The following RILPL1 variants were observed in gnomAD, a reference collection of about 807,000 sequenced individuals.
The protein encoded by RILPL1 is Rab interacting lysosomal protein like 1, also known as RILP-like protein 1.
In RILPL1, 33 loss-of-function variants were observed where a neutral mutation model predicts 50.3. The observed-to-expected ratio is 0.66, with a 90% confidence interval of 0.50 to 0.88. The LOEUF (loss-of-function observed/expected upper bound fraction) is 0.88, where lower values mean the gene tolerates loss of function less well. RILPL1 is among the 40% of genes least tolerant of loss of function. RILPL1 has a pLI of 0.00. For synonymous variants in RILPL1, 205 were observed against 228.6 expected (o/e 0.90, Z 0.93); for missense variants, 418 against 542.5 (o/e 0.77, Z 2.28).
chr12:123,505,620 C>T (rs901585160), intron 2 of RILPL1, among the ~76,000 whole-genome samples: 5 of 151,780 alleles, frequency 3.3e-5, no homozygotes, highest in African/African-American at 1.2e-4. Flanking sequence ...GCCCGGCCAT[C>T]GAGTTTTTGT....
chr12:123,505,772 C>T (rs1345482009), intron 2 of RILPL1, among the ~76,000 whole-genome samples: 1 of 152,158 alleles, frequency 6.6e-6, no homozygotes, highest in Non-Finnish European at 1.5e-5. Context: ...TAAAGATGCA[C>T]CACTACAGCT....
At chr12:123,487,707 CT>C (rs1882438201) in intron 4 of RILPL1, among the ~76,000 whole-genome samples, 1 of 152,320 alleles carries the variant, frequency 6.6e-6, no homozygotes, top group African/African-American at 2.4e-5. Flanking sequence ...GGTTTCCACT[CT>C]TTGGCTAATG....
chr12:123,528,625 C>T (rs1566148335), intron 1 of RILPL1, among the ~76,000 whole-genome samples: 1 of 151,882 alleles, frequency 6.6e-6, no homozygotes, highest in Admixed American at 6.6e-5. Context: ...GACGGGGTTT[C>T]ACCGTGTTAG....
intron 4 of RILPL1, among the ~76,000 whole-genome samples, chr12:123,488,739 G>A (rs1042944300): frequency 6.6e-6 from 1 of 152,222 alleles, no homozygotes; most frequent in Non-Finnish European, 1.5e-5. Context: ...GAGTCAGCAC[G>A]GGGCAGCAGA....
At position 123,472,021 on chromosome 12, in the gene RILPL1, CTG is replaced by C. The variant is rs933170452; in HGVS notation, c.*515_*516del. On this transcript the variant is annotated 3_prime_UTR_variant, in exon 7 of 7. Transcript: ENST00000376874. ...TTGTGTCTGAGTTGGGCTACTGAGCCTGTGACTTCAGACCCCTTGTCTGCCTG... is the reference window on the plus strand; with the variant it reads ...TTGTGTCTGAGTTGGGCTACTGAGCCTGACTTCAGACCCCTTGTCTGCCTG... 6.5e-6 allele frequency: 1 copy of C among 153,462 alleles called. No homozygotes were observed. Among genetic ancestry groups the C allele is most frequent in the African/African-American group, 2.4e-5 (1 of 41,458 alleles). 9.5% of individuals were successfully genotyped at this position (153,462 alleles called of 1,614,324 possible).
At chr12:123,482,625 T>C (rs9778001) in intron 6 of RILPL1, among the ~76,000 whole-genome samples, 27,867 of 150,948 alleles carry the variant, frequency 0.18, 2,772 homozygotes, top group Middle Eastern at 0.24. Context: ...TCTCTCTTTT[T>C]TTTTTTTTTT....
intron 2 of RILPL1, among the ~76,000 whole-genome samples, chr12:123,521,596 TTA>T (rs1346442363): frequency 5.0e-4 from 10 of 20,160 alleles, no homozygotes; most frequent in South Asian, 8.3e-3. Context: ...TATATATATA[TTA>T]ATATATATAC....
At position 123,533,287 on chromosome 12, in the gene RILPL1, CCTCCAGGAT is replaced by C. The variant is rs1885508607; in HGVS notation, c.187_195del (p.Ile63_Glu65del). 1 of 1,586,586 alleles carries C rather than the reference CCTCCAGGAT, an allele frequency of 6.3e-7. No homozygotes were observed. Among genetic ancestry groups the C allele is most frequent in the African/African-American group, 1.3e-5 (1 of 74,476 alleles). ...GCGACGTGGTGGCGGCTGACCAGCA[CCTCCAGGAT>C]CTCCAGGACGCGCACGACCTTGGGC... is the stretch of plus-strand genomic sequence containing the variant. On this transcript the variant is annotated inframe_deletion, in exon 1 of 7. Transcript: ENST00000376874. This position sits in a 1 kb window ranked among gnomAD's most constrained non-coding sequence, Gnocchi z 6.2.
chr12:123,485,189 CTGGTCTCATGTTGCTTG>C lies in RILPL1; in HGVS notation c.974+427_974+443del. 2.2e-6 allele frequency: 1 copy of C among 456,822 alleles called. No homozygotes were observed. 28.3% of individuals were successfully genotyped at this position (456,822 alleles called of 1,614,324 possible). A position where few individuals can be genotyped will look rare whatever the true frequency, so the allele number is the denominator to read the frequency against. On this transcript the variant is annotated intron_variant, in intron 5 of 6. Coordinates refer to ENST00000376874, the MANE Select transcript of RILPL1 (RefSeq NM_178314.5). The surrounding 1 kb of genome is among the most constrained non-coding windows in gnomAD (Gnocchi z 4.0). ...GCCATGGACAAGATAAATAAGACTT[CTGGTCTCATGTTGCTTG>C]TGGTCTCATGTGGAAACCTACAATA...
At chr12:123,504,802 C>T (rs1235087976) in intron 2 of RILPL1, among the ~76,000 whole-genome samples, 1 of 152,020 alleles carries the variant, frequency 6.6e-6, no homozygotes, top group African/African-American at 2.4e-5. Flanking sequence ...AGTCTTACAG[C>T]CAAAAACTCA....
intron 6 of RILPL1, among the ~76,000 whole-genome samples, chr12:123,479,826 T>C (rs1356846917): frequency 6.6e-6 from 1 of 151,976 alleles, no homozygotes; most frequent in Non-Finnish European, 1.5e-5. Context: ...CCAACCTAAG[T>C]GGGGAAGAGC....
At chr12:123,520,762 A>G (rs1884973945) in intron 2 of RILPL1, among the ~76,000 whole-genome samples, 1 of 152,198 alleles carries the variant, frequency 6.6e-6, no homozygotes, top group African/African-American at 2.4e-5. Flanking sequence ...AGCCCAGAAC[A>G]GGGACAGAGT....
chr12:123,478,630 C>G (rs1245526025), intron 6 of RILPL1, among the ~76,000 whole-genome samples: 1 of 152,132 alleles, frequency 6.6e-6, no homozygotes, highest in East Asian at 1.9e-4. Flanking sequence ...ATTGCTACCC[C>G]TGGACACCTG....
intron 2 of RILPL1, among the ~76,000 whole-genome samples, chr12:123,516,325 T>C (rs1020040440): frequency 2.6e-5 from 4 of 152,230 alleles, no homozygotes; most frequent in African/African-American, 9.6e-5. Context: ...GGCTCTGCAC[T>C]AGAAGTCCAG....
intron 1 of RILPL1, among the ~76,000 whole-genome samples, 182 bp downstream of exon 1, chr12:123,532,992 T>C (rs1193560688): frequency 6.6e-6 from 1 of 152,154 alleles, no homozygotes; most frequent in South Asian, 2.1e-4. Context: ...TCGGGTGGTA[T>C]CTGCCAGCCA....
At chr12:123,493,496 T>C (rs1279015917) in intron 4 of RILPL1, among the ~76,000 whole-genome samples, 4 of 152,190 alleles carry the variant, frequency 2.6e-5, no homozygotes, top group Non-Finnish European at 5.9e-5. Flanking sequence ...TTTGTCTCTG[T>C]GTCTTTTTCT....
rs751284930 is a variant in RILPL1, at chr12:123,506,094, G to A, written c.461-6558C>T. On this transcript the variant is annotated intron_variant, in intron 2 of 6. Transcript: ENST00000376874. ...CCGTGACGGATGTGACAGGGGCTGA[G>A]AAAAGTGACCAGGGAGACCCCATGC... 1.1e-4 allele frequency among the ~76,000 whole-genome samples: 17 copies of A among 152,368 alleles called. No individual in the cohort carries two copies. The South Asian group carries it at 1.7e-3, about 15-fold the overall frequency.
chr12:123,505,499 A>T lies in RILPL1; in HGVS notation c.461-5963T>A, dbSNP rs185082881. 6.0e-3 allele frequency among the ~76,000 whole-genome samples: 914 copies of T among 151,648 alleles called. 10 individuals are homozygous for T. Among genetic ancestry groups the T allele is most frequent in the Admixed American group, 0.031 (477 of 15,228 alleles). ...CACCACACTTGGCTAATTAAAAAAAATTTTTTTTAAGTCTCACTGTGTTAC... is the reference window on the plus strand; with the variant it reads ...CACCACACTTGGCTAATTAAAAAAATTTTTTTTTAAGTCTCACTGTGTTAC... On this transcript the variant is annotated intron_variant, in intron 2 of 6. Coordinates refer to ENST00000376874, the MANE Select transcript of RILPL1 (RefSeq NM_178314.5).
At chr12:123,515,344 C>T (rs1884623313) in intron 2 of RILPL1, 1 of 151,724 alleles carries the variant, frequency 6.6e-6, no homozygotes, top group Admixed American at 6.6e-5. Flanking sequence ...GAAGGTTTTC[C>T]CTCTGGCAGT....
Sources: allele counts gnomAD v4.1 joint callset (sites outside exome capture counted in the v4.1 genomes callset), GRCh38; gene constraint gnomAD v4.1.1; non-coding constraint Gnocchi (gnomAD v3.1); transcripts MANE v1.5; gene names NCBI Gene and HGNC (gene_info 2026-07-23, HGNC 2026-07-21).